The following ZBTB25 variants were observed in gnomAD, a reference collection of about 807,000 sequenced individuals.
ZBTB25 encodes zinc finger and BTB domain-containing protein 25.
In ZBTB25, 20 loss-of-function variants were observed where a neutral mutation model predicts 34.2. The observed-to-expected ratio is 0.58, with a 90% CI of 0.41 to 0.85. The LOEUF (loss-of-function observed/expected upper bound fraction) is 0.85, where lower values mean the gene tolerates loss of function less well. Ranked by LOEUF, ZBTB25 falls within the 40% of genes least tolerant of loss-of-function variation. The pLI is 0.00. For missense variants in ZBTB25, 437 were observed against 521.8 expected, an observed-to-expected ratio of 0.84 and a Z score of 1.58; for synonymous variants, 175 against 186.4, an observed-to-expected ratio of 0.94 and a Z score of 0.50.
chr14:64,459,828 G>GGAA (rs1248737817), intron 2 of ZBTB25: 1 of 1,536,012 alleles, frequency 6.5e-7, no homozygotes, highest in Non-Finnish European at 8.7e-7. Context: ...CTGGGAGTTA[G>GGAA]GAAGTATAAG....
At position 64,490,355 on chromosome 14, in the gene ZBTB25, C is replaced by A; in HGVS notation, c.173+6G>T. 1 of 1,573,574 alleles carries A rather than the reference C, an allele frequency of 6.4e-7. No individual in the cohort carries two copies. The highest frequency in any genetic ancestry group is 8.7e-7 in the Non-Finnish European group (1 of 1,155,902). On this transcript the variant is annotated splice_donor_region_variant and intron_variant, in intron 2 of 2. Coordinates refer to ENST00000608382, the MANE Select transcript of ZBTB25 (RefSeq NM_006977.5). ...AAAATTCTTATTTACAAAAACACAT[C>A]CTTACCTTGTTTGGTGAATAAATAT...
chr14:64,468,803 A>G (rs926486534), intron 2 of ZBTB25: 7 of 1,614,200 alleles, frequency 4.3e-6, no homozygotes, highest in Non-Finnish European at 5.1e-6. Context: ...AAGAGGGCCA[A>G]AAAGGAGTAA....
chr14:64,453,915 T>A, intron 2 of ZBTB25: 1 of 1,136,300 alleles, frequency 8.8e-7, no homozygotes, highest in East Asian at 2.5e-5. Flanking sequence ...GGACTTGGAG[T>A]CACAATCTCT....
chr14:64,476,658 TAA>T (rs2078722763), downstream of ZBTB25, among the ~76,000 whole-genome samples: 1 of 152,090 alleles, frequency 6.6e-6, no homozygotes, highest in Non-Finnish European at 1.5e-5. Context: ...ACAGAATGAC[TAA>T]GTTAGAACTG....
chr14:64,457,816 G>A (rs1405182186), intron 2 of ZBTB25, among the ~76,000 whole-genome samples: 1 of 152,126 alleles, frequency 6.6e-6, no homozygotes, highest in African/African-American at 2.4e-5. Flanking sequence ...TGTAACAAGA[G>A]TACCCACTTT....
chr14:64,456,922 G>C (rs2078483872), intron 2 of ZBTB25, among the ~76,000 whole-genome samples: 1 of 152,066 alleles, frequency 6.6e-6, no homozygotes. Context: ...ATTTGATTTG[G>C]AACTTGTGTG....
intron 1 of ZBTB25, among the ~76,000 whole-genome samples, chr14:64,500,905 G>C (rs1160226061): frequency 6.6e-6 from 1 of 152,190 alleles, no homozygotes; most frequent in Admixed American, 6.5e-5. Flanking sequence ...ACAAAAATTA[G>C]CCAGGTGTGG....
intron 2 of ZBTB25, among the ~76,000 whole-genome samples, chr14:64,452,518 G>A (rs1328223987): frequency 3.9e-5 from 6 of 152,170 alleles, no homozygotes; most frequent in Admixed American, 1.3e-4. Flanking sequence ...TGAAGGCTTT[G>A]CCCCGGAGGA....
chr14:64,486,897 G>A lies in ZBTB25; in HGVS notation c.*26C>T, dbSNP rs768952032. ...ACGCAAATTTTCTTTTTCAGAATTG[G>A]TATAAAAATTCTGAAAGAGAAGCTG... On this transcript the variant is annotated 3_prime_UTR_variant, in exon 3 of 3. Transcript: ENST00000608382. The A allele has an allele frequency of 3.3e-6, 5 of 1,531,854 alleles. No homozygotes were observed. The East Asian group carries it at 6.9e-5, about 21-fold the overall frequency. 94.9% of individuals were successfully genotyped at this position (1,531,854 alleles called of 1,614,324 possible).
intron 1 of ZBTB25, among the ~76,000 whole-genome samples, chr14:64,491,897 C>G (rs2079093061): frequency 6.6e-6 from 1 of 152,074 alleles, no homozygotes; most frequent in Admixed American, 6.6e-5. Context: ...GTGGCTTGGG[C>G]AGCAGACAGC....
chr14:64,456,299 G>T (rs1474177041), intron 2 of ZBTB25, among the ~76,000 whole-genome samples: 1 of 152,168 alleles, frequency 6.6e-6, no homozygotes, highest in Non-Finnish European at 1.5e-5. Flanking sequence ...TGATCAAATG[G>T]TTTAATCACT....
chr14:64,457,525 G>A (rs550438856), intron 2 of ZBTB25, among the ~76,000 whole-genome samples: 70 of 150,710 alleles, frequency 4.6e-4, no homozygotes, highest in African/African-American at 1.6e-3. Flanking sequence ...GCAAGATCTC[G>A]GCTCACTGCA....
At chr14:64,451,376 A>G (rs889682048) in intron 2 of ZBTB25, among the ~76,000 whole-genome samples, 1 of 152,206 alleles carries the variant, frequency 6.6e-6, no homozygotes, top group Non-Finnish European at 1.5e-5. Flanking sequence ...ATAAAAAAGC[A>G]GAAGGAATAA....
chr14:64,466,799 T>C (rs1231499572), intron 2 of ZBTB25, among the ~76,000 whole-genome samples: 1 of 152,234 alleles, frequency 6.6e-6, no homozygotes, highest in African/African-American at 2.4e-5. Context: ...CCTTTGCTTA[T>C]TTTAGGGCAT....
At chr14:64,454,543 GTTC>G (rs1202041970) in intron 2 of ZBTB25, among the ~76,000 whole-genome samples, 1 of 146,840 alleles carries the variant, frequency 6.8e-6, no homozygotes, top group Non-Finnish European at 1.5e-5. Context: ...TCACCCAACA[GTTC>G]TTTTTTTTTT....
chr14:64,454,675 G>T, intron 2 of ZBTB25: 2 of 1,528,158 alleles, frequency 1.3e-6, no homozygotes, highest in Non-Finnish European at 9.1e-7. Flanking sequence ...GTCATTGCTG[G>T]GTTGTCATCT....
At chr14:64,496,687 C>T (rs922757665) in intron 1 of ZBTB25, among the ~76,000 whole-genome samples, 3 of 151,954 alleles carry the variant, frequency 2.0e-5, no homozygotes, top group Non-Finnish European at 4.4e-5. Context: ...TTTTGCAATC[C>T]TCTTTAATAT....
At position 64,484,125 on chromosome 14, in the gene ZBTB25, C is replaced by G. The variant is rs1035885626; in HGVS notation, c.*2798G>C. ...TAAACAGAATGAATGTTTTAAGGAA[C>G]AAGGAAAGAGCATTTGCTTTGAATT... On this transcript the variant is annotated 3_prime_UTR_variant, in exon 3 of 3. Transcript: ENST00000608382. 6.6e-6 allele frequency: 1 copy of G among 152,012 alleles called. No individual in the cohort carries two copies. The highest frequency in any genetic ancestry group is 6.6e-5 in the Admixed American group (1 of 15,250). The allele number at this position is 152,012 out of a possible 1,614,324, so 9.4% of individuals were successfully genotyped here.
chr14:64,503,505 C>A (rs1284749625), intron 1 of ZBTB25, 156 bp downstream of exon 1: 4 of 985,280 alleles, frequency 4.1e-6, no homozygotes, highest in Non-Finnish European at 3.6e-6. Flanking sequence ...CCTCCTGTGC[C>A]CTGCCTGACA....
Sources: gnomAD v4.1 joint callset for allele counts (sites outside exome capture counted in the v4.1 genomes callset) on GRCh38, gnomAD v4.1.1 for gene constraint, MANE v1.5 for transcripts, NCBI Gene and HGNC (gene_info 2026-07-23, HGNC 2026-07-21) for gene names.